Variants in ASCC3 observed in about 807,000 individuals in gnomAD.
ASCC3 encodes ASC-1 complex subunit P200.
Under a neutral mutation model 256.3 loss-of-function variants are expected in ASCC3, and 158 were observed. The observed-to-expected ratio is 0.62, with a 90% confidence interval of 0.54 to 0.70. ASCC3 has a LOEUF of 0.70. Ranked by LOEUF, ASCC3 falls within the 30% of genes least tolerant of loss-of-function variation. The pLI is 0.00. For missense variants in ASCC3, 2,259 were observed against 2,626.0 expected, an observed-to-expected ratio of 0.86 and a Z score of 3.05; for synonymous variants, 948 against 883.4, an observed-to-expected ratio of 1.07 and a Z score of -1.30.
intron 37 of ASCC3, among the ~76,000 whole-genome samples, chr6:100,534,323 C>T (rs373292237): frequency 3.7e-4 from 57 of 152,304 alleles, no homozygotes; most frequent in Middle Eastern, 3.4e-3. Flanking sequence ...GTACTCAAAA[C>T]ACTAGACATT....
intron 14 of ASCC3, among the ~76,000 whole-genome samples, chr6:100,667,820 G>A (rs1460786038): frequency 6.6e-6 from 1 of 151,976 alleles, no homozygotes; most frequent in Non-Finnish European, 1.5e-5. Context: ...AGTGATCCAT[G>A]GATAAAGACT....
At chr6:100,601,574 A>ACTC (rs1450634193) in intron 34 of ASCC3, among the ~76,000 whole-genome samples, 2 of 151,950 alleles carry the variant, frequency 1.3e-5, no homozygotes, top group Non-Finnish European at 2.9e-5. Flanking sequence ...TACAGAGCAA[A>ACTC]CTCCTCAGGA....
At chr6:100,711,129 T>C (rs920419533) in intron 13 of ASCC3, among the ~76,000 whole-genome samples, 4 of 152,232 alleles carry the variant, frequency 2.6e-5, no homozygotes, top group Admixed American at 2.0e-4. Context: ...AGCAATCCTA[T>C]GTTCCATACT....
At chr6:100,771,176 T>C (rs1781900768) in intron 8 of ASCC3, among the ~76,000 whole-genome samples, 1 of 152,142 alleles carries the variant, frequency 6.6e-6, no homozygotes, top group African/African-American at 2.4e-5. Flanking sequence ...GCAATGTAGA[T>C]GACAAAGGTC....
chr6:100,852,490 C>A (rs1772731444), intron 3 of ASCC3, among the ~76,000 whole-genome samples: 1 of 152,182 alleles, frequency 6.6e-6, no homozygotes, highest in Non-Finnish European at 1.5e-5. Flanking sequence ...CTTTTGTTCA[C>A]TTCCCTTTAT....
intron 13 of ASCC3, among the ~76,000 whole-genome samples, chr6:100,708,303 T>A (rs1778697715): frequency 6.6e-6 from 1 of 152,174 alleles, no homozygotes; most frequent in African/African-American, 2.4e-5. Context: ...AATTTATTAT[T>A]TGAGTTTAAA....
chr6:100,812,487 T>C (rs1035161958), intron 4 of ASCC3, among the ~76,000 whole-genome samples: 3 of 151,316 alleles, frequency 2.0e-5, no homozygotes, highest in Non-Finnish European at 2.9e-5. Context: ...GAAACTGAGA[T>C]AGCACTTTAA....
intron 40 of ASCC3, 122 bp downstream of exon 40, chr6:100,512,587 G>A (rs756119124): frequency 1.9e-5 from 20 of 1,039,762 alleles, no homozygotes; most frequent in Non-Finnish European, 2.9e-5. Flanking sequence ...CGCTGCTTAA[G>A]ACCAGTTGAG....
intron 8 of ASCC3, among the ~76,000 whole-genome samples, chr6:100,771,885 T>G (rs187197716): frequency 9.3e-4 from 131 of 141,264 alleles, no homozygotes; most frequent in East Asian, 1.4e-3. Context: ...TTTTTTTTTT[T>G]TTTTTTTTTT....
Position 100,718,087 on chromosome 6 carries a change from T to G in ASCC3, c.2067A>C (p.Lys689Asn). ...AATGAGTATTTACCTTATTTGCACATTTAATCCCCAAAAATGTCTGTCCAA... is the reference window on the plus strand; with the variant it reads ...AATGAGTATTTACCTTATTTGCACAGTTAATCCCCAAAAATGTCTGTCCAA... ...VPLGQTFLGI[K>N]CANKMQQLNN... The change falls in exon 12 of 42, where the codon AAA becomes AAC. Residue 689 changes from lysine (K) to asparagine (N), a missense_variant. By Grantham distance (94) the Lys-to-Asn change is moderately conservative (BLOSUM62 0). Around this residue, in one of 2 missense-constraint regions of ASCC3, gnomAD observed 1,839 missense variants for 2,206.7 expected, o/e 0.83. Transcript: ENST00000369162. The G allele has an allele frequency of 6.2e-7, 1 of 1,613,348 alleles. No homozygotes were observed. The highest frequency in any genetic ancestry group is 1.1e-5 in the South Asian group (1 of 91,058).
At chr6:100,739,132 TGA>T (rs1213258679) in intron 10 of ASCC3, among the ~76,000 whole-genome samples, 2 of 152,188 alleles carry the variant, frequency 1.3e-5, no homozygotes, top group Admixed American at 6.5e-5. Flanking sequence ...CAGAGTTTAT[TGA>T]GAGATTATAA....
intron 36 of ASCC3, among the ~76,000 whole-genome samples, chr6:100,584,287 T>G (rs1288464873): frequency 6.6e-6 from 1 of 151,566 alleles, no homozygotes; most frequent in Non-Finnish European, 1.5e-5. Flanking sequence ...TGGGTGCATA[T>G]ATATTTAGGA....
Position 100,777,141 on chromosome 6 carries a change from G to C in ASCC3, c.1396-9796C>G, listed in dbSNP as rs187504437. Among the ~76,000 whole-genome samples, 14 of 152,166 alleles carry C rather than the reference G, an allele frequency of 9.2e-5. No homozygotes were observed. In the East Asian group the frequency reaches 1.9e-3, roughly 21 times the overall value. On this transcript the variant is annotated intron_variant, in intron 8 of 41. Coordinates refer to ENST00000369162, the MANE Select transcript of ASCC3 (RefSeq NM_006828.4). Reference sequence around the variant, plus strand: ...CATGAATACCTTATTTAACATACTTGAGTATTCATTAGATGATCAGATGAT... The same window carrying C: ...CATGAATACCTTATTTAACATACTTCAGTATTCATTAGATGATCAGATGAT...
At chr6:100,589,545 T>C in intron 36 of ASCC3, 89 bp downstream of exon 36, 2 of 1,506,654 alleles carry the variant, frequency 1.3e-6, no homozygotes, top group Admixed American at 1.8e-5. Flanking sequence ...GCTTTACAAA[T>C]GGTTTCTGTT....
At chr6:100,594,590 A>C (rs1438262302) in intron 34 of ASCC3, among the ~76,000 whole-genome samples, 3 of 152,150 alleles carry the variant, frequency 2.0e-5, no homozygotes, top group Non-Finnish European at 2.9e-5. Flanking sequence ...GAGAATGTAC[A>C]TTATTAGCAC....
intron 34 of ASCC3, among the ~76,000 whole-genome samples, chr6:100,599,983 G>A (rs759210593): frequency 1.2e-4 from 18 of 151,928 alleles, no homozygotes; most frequent in Non-Finnish European, 2.2e-4. Flanking sequence ...GTGAGGGAGG[G>A]AGGCTATTCG....
At chr6:100,621,332 T>C (rs1773940362) in intron 30 of ASCC3, among the ~76,000 whole-genome samples, 1 of 152,058 alleles carries the variant, frequency 6.6e-6, no homozygotes, top group Non-Finnish European at 1.5e-5. Flanking sequence ...TGTTAATAAA[T>C]ACAATAATAA....
At chr6:100,760,342 TGA>T (rs1257731176) in intron 10 of ASCC3, among the ~76,000 whole-genome samples, 2 of 152,200 alleles carry the variant, frequency 1.3e-5, no homozygotes, top group Non-Finnish European at 2.9e-5. Context: ...CCTAGTTTAT[TGA>T]GAGTTTTTAA....
intron 33 of ASCC3, among the ~76,000 whole-genome samples, chr6:100,603,547 C>A (rs1772733973): frequency 6.6e-6 from 1 of 152,030 alleles, no homozygotes; most frequent in Non-Finnish European, 1.5e-5. Flanking sequence ...GGAAAGCTTT[C>A]AATATCTTCT....
Sources: gnomAD v4.1 joint callset for allele counts (sites outside exome capture counted in the v4.1 genomes callset) on GRCh38, gnomAD v4.1.1 for gene constraint, gnomAD v4.1.1 regional missense constraint, MANE v1.5 for transcripts, NCBI Gene and HGNC (gene_info 2026-07-23, HGNC 2026-07-21) for gene names.